TUSC3: variants seen among roughly 807,000 people sequenced by gnomAD.
The protein encoded by TUSC3 is dolichyl-diphosphooligosaccharide--protein glycosyltransferase subunit TUSC3.
TUSC3 carries 45 observed loss-of-function variants against 44.8 expected under a neutral mutation model. The ratio of observed to expected loss-of-function variants is 1.00; its 90% CI spans 0.79 to 1.29. The LOEUF is 1.29. Among genes scored for constraint, TUSC3 ranks in the 50% most tolerant of loss-of-function variants. TUSC3 has a pLI of 0.00. For synonymous variants in TUSC3, 212 were observed against 152.9 expected (o/e 1.39, Z -2.85); for missense variants, 519 against 437.9 (o/e 1.19, Z -1.65).
At chr8:15,742,570 A>G (rs1012428176) in intron 7 of TUSC3, among the ~76,000 whole-genome samples, 7 of 152,194 alleles carry the variant, frequency 4.6e-5, no homozygotes, top group African/African-American at 1.7e-4. Flanking sequence ...ATATTGCCCA[A>G]TACTGTCCTT....
At chr8:15,449,281 C>G (rs918824631) in intron 1 of TUSC3, among the ~76,000 whole-genome samples, 1 of 152,092 alleles carries the variant, frequency 6.6e-6, no homozygotes, top group Non-Finnish European at 1.5e-5. Flanking sequence ...GGCACATGTG[C>G]AATTAAGCTT....
At chr8:15,485,944 C>T (rs933974138) in intron 2 of TUSC3, among the ~76,000 whole-genome samples, 7 of 152,100 alleles carry the variant, frequency 4.6e-5, no homozygotes, top group Non-Finnish European at 1.5e-5. Flanking sequence ...GTGCCCACCA[C>T]CAAGCCCGGC....
intron 6 of TUSC3, chr8:15,689,015 C>G: frequency 3.9e-6 from 1 of 255,216 alleles, no homozygotes; most frequent in Non-Finnish European, 8.0e-6. Flanking sequence ...ACAACCGGGC[C>G]ACCTGTTACC....
At position 15,554,848 on chromosome 8, in the gene TUSC3, A is replaced by G. The variant is rs1010182790; in HGVS notation, c.138+14280A>G. ...TGTCGATCTCCTGACCTCGTGATCCACCTGCCTCAACCTCCCAAAGTGCTG... is the reference window on the plus strand; with the variant it reads ...TGTCGATCTCCTGACCTCGTGATCCGCCTGCCTCAACCTCCCAAAGTGCTG... On this transcript the variant is annotated intron_variant, in intron 1 of 10. Coordinates refer to ENST00000503731, the MANE Select transcript of TUSC3 (RefSeq NM_006765.4). 3.3e-5 allele frequency among the ~76,000 whole-genome samples: 5 copies of G among 150,702 alleles called. 1 individual carries two copies. The highest frequency in any genetic ancestry group is 5.9e-5 in the Non-Finnish European group (4 of 67,638).
At chr8:15,639,463 C>A (rs1314157871) in intron 2 of TUSC3, among the ~76,000 whole-genome samples, 2 of 152,104 alleles carry the variant, frequency 1.3e-5, no homozygotes. Flanking sequence ...TCATACAAAA[C>A]GGTGCTTTAT....
At position 15,434,822 on chromosome 8, in the gene TUSC3, A is replaced by G. The variant is rs994565618; in HGVS notation, n.91+17517A>G. 3.3e-5 allele frequency among the ~76,000 whole-genome samples: 5 copies of G among 151,940 alleles called. No individual in the cohort carries two copies. The South Asian group carries it at 8.3e-4, about 25-fold the overall frequency. ...GTGCTTGCAATAGTTTGCTGAGAAT[A>G]ATGGTTTCCAACTTCATCCATGTCC... On this transcript the variant is annotated intron_variant and non_coding_transcript_variant, in intron 1 of 5. Transcript: ENST00000503191.
At position 15,523,639 on chromosome 8, in the gene TUSC3, C is replaced by CATAT. The variant is rs151223991; in HGVS notation, n.189+40179_189+40182dup. On this transcript the variant is annotated intron_variant and non_coding_transcript_variant, in intron 2 of 5. Coordinates refer to the TUSC3 transcript ENST00000503191. ...AATTGGCTTAAAAATCCTTTAAAAA[C>CATAT]ATATATATATATATATATATATATA... 6.6e-3 allele frequency among the ~76,000 whole-genome samples: 421 copies of CATAT among 63,454 alleles called. 4 individuals carry two copies. Among genetic ancestry groups the CATAT allele is most frequent in the African/African-American group, 0.01 (149 of 14,234 alleles). The allele number at this position is 63,454 out of a possible 152,430, so 41.6% of individuals were successfully genotyped here.
chr8:15,595,877 T>G (rs1285827499), intron 1 of TUSC3, among the ~76,000 whole-genome samples: 1 of 152,184 alleles, frequency 6.6e-6, no homozygotes, highest in African/African-American at 2.4e-5. Context: ...ACTGTAAGAT[T>G]TAAAGTGACA....
At chr8:15,711,730 T>C (rs1239961343) in intron 6 of TUSC3, among the ~76,000 whole-genome samples, 1 of 151,806 alleles carries the variant, frequency 6.6e-6, no homozygotes, top group Non-Finnish European at 1.5e-5. Context: ...AGTATCTTGA[T>C]TGTTTATATC....
chr8:15,649,637 T>A (rs1806796089), intron 2 of TUSC3, among the ~76,000 whole-genome samples: 2 of 151,904 alleles, frequency 1.3e-5, no homozygotes, highest in South Asian at 4.2e-4. Flanking sequence ...TAGCTTCATG[T>A]TTTTTTTAAA....
intron 1 of TUSC3, among the ~76,000 whole-genome samples, chr8:15,606,496 A>T (rs1200429857): frequency 6.6e-6 from 1 of 152,004 alleles, no homozygotes; most frequent in African/African-American, 2.4e-5. Context: ...GTTCTATATT[A>T]TTTCAAATAT....
chr8:15,742,535 T>A (rs1811238586), intron 7 of TUSC3, among the ~76,000 whole-genome samples: 1 of 152,214 alleles, frequency 6.6e-6, no homozygotes, highest in Admixed American at 6.5e-5. Context: ...TGCAGAATTT[T>A]CTCTGACCTC....
intron 2 of TUSC3, among the ~76,000 whole-genome samples, chr8:15,512,156 AAGTT>A (rs1392611270): frequency 2.0e-5 from 3 of 152,234 alleles, no homozygotes; most frequent in Non-Finnish European, 4.4e-5. Flanking sequence ...TATTTGTAAA[AAGTT>A]AGAGAAATAG....
chr8:15,608,880 A>G (rs1003132247), intron 1 of TUSC3, among the ~76,000 whole-genome samples: 1 of 152,172 alleles, frequency 6.6e-6, no homozygotes, highest in Non-Finnish European at 1.5e-5. Flanking sequence ...ACTAATACAT[A>G]TACCTTTGTA....
chr8:15,528,527 C>T (rs1349422995), intron 2 of TUSC3, among the ~76,000 whole-genome samples: 1 of 152,158 alleles, frequency 6.6e-6, no homozygotes, highest in East Asian at 1.9e-4. Flanking sequence ...AAGTATTCTG[C>T]AGCAAACTCA....
At chr8:15,772,475 A>G in the TUSC3 span, among the ~76,000 whole-genome samples, 1 of 152,194 alleles carries the variant, frequency 6.6e-6, no homozygotes, top group African/African-American at 2.4e-5. Context: ...TTACTCAACA[A>G]AAACAAAATA....
At chr8:15,810,287 T>C in the TUSC3 span, among the ~76,000 whole-genome samples, 7 of 152,176 alleles carry the variant, frequency 4.6e-5, no homozygotes, top group African/African-American at 1.7e-4. Context: ...GAGTACTGCA[T>C]GTTAAAATAT....
intron 6 of TUSC3, among the ~76,000 whole-genome samples, chr8:15,722,581 G>A (rs149493471): frequency 5.7e-4 from 87 of 152,118 alleles, no homozygotes; most frequent in African/African-American, 2.1e-3. Flanking sequence ...ACTGCAATTT[G>A]AATTTTTAGA....
chr8:15,748,541 A>C, intron 9 of TUSC3, 76 bp downstream of exon 9: 1 of 1,295,140 alleles, frequency 7.7e-7, no homozygotes, highest in Non-Finnish European at 1.1e-6. Flanking sequence ...ATATATAATT[A>C]AGGATGAATG....
Sources: allele counts gnomAD v4.1 joint callset (sites outside exome capture counted in the v4.1 genomes callset), GRCh38; gene constraint gnomAD v4.1.1; transcripts MANE v1.5; gene names NCBI Gene and HGNC (gene_info 2026-07-23, HGNC 2026-07-21).